CTNNA2: variants seen among roughly 807,000 people sequenced by gnomAD.
The protein encoded by CTNNA2 is catenin alpha 2, also known as catenin alpha-2.
In CTNNA2, 42 loss-of-function variants were observed where a neutral mutation model predicts 101.0. That is an observed-to-expected ratio of 0.42 (90% CI 0.32 to 0.54). The LOEUF (loss-of-function observed/expected upper bound fraction) is 0.54, where lower values mean the gene tolerates loss of function less well. Ranked by LOEUF, CTNNA2 falls within the 20% of genes least tolerant of loss-of-function variation. The pLI is 0.14. For synonymous variants in CTNNA2, 450 were observed against 456.4 expected, an observed-to-expected ratio of 0.99 and a Z score of 0.18; for missense variants, 871 against 1,223.1, an observed-to-expected ratio of 0.71 and a Z score of 4.29.
At chr2:80,604,339 CTG>C (rs1463783792) in intron 16 of CTNNA2, among the ~76,000 whole-genome samples, 160 bp downstream of exon 16, 1 of 151,970 alleles carries the variant, frequency 6.6e-6, no homozygotes, top group Non-Finnish European at 1.5e-5. Context: ...TCTCCTGACA[CTG>C]TGCTAGTGGC....
chr2:80,372,508 A>G (rs1402831448), intron 7 of CTNNA2, among the ~76,000 whole-genome samples: 1 of 151,738 alleles, frequency 6.6e-6, no homozygotes, highest in African/African-American at 2.4e-5. Flanking sequence ...TTTATCTCTC[A>G]CTCTTTGGCC....
At chr2:79,418,870 G>T (rs2104499895) in intron 4 of CTNNA2, among the ~76,000 whole-genome samples, 1 of 143,908 alleles carries the variant, frequency 6.9e-6, no homozygotes, top group Non-Finnish European at 1.5e-5. Context: ...ACATTGAACA[G>T]GTTATGTTGA....
chr2:79,214,587 T>C lies in CTNNA2; in HGVS notation c.-406+16511T>C, dbSNP rs140225061. Among the ~76,000 whole-genome samples, 918 of 152,034 alleles carry C rather than the reference T, an allele frequency of 6.0e-3. 6 individuals are homozygous for C. Among genetic ancestry groups the C allele is most frequent in the South Asian group, 0.011 (52 of 4,818 alleles). On this transcript the variant is annotated intron_variant, in intron 2 of 21. Transcript: ENST00000466387. ...TGGCATTGAGCGGGGTAAGGGTGAT[T>C]AGGTTTTAATGGGATGGTAATGGGC...
intron 7 of CTNNA2, among the ~76,000 whole-genome samples, chr2:80,322,626 G>A (rs1348927258): frequency 6.6e-6 from 1 of 151,746 alleles, no homozygotes; most frequent in African/African-American, 2.4e-5. Flanking sequence ...GCGCTGCCCC[G>A]GCCGCAGCCC....
intron 1 of CTNNA2, among the ~76,000 whole-genome samples, chr2:79,544,905 C>T (rs958627446): frequency 2.0e-5 from 3 of 152,136 alleles, no homozygotes; most frequent in Admixed American, 6.5e-5. Flanking sequence ...GGACATCTAA[C>T]TTGCAGAGAG....
intron 15 of CTNNA2, among the ~76,000 whole-genome samples, chr2:80,594,345 GCT>G (rs1162532024): frequency 4.0e-5 from 6 of 151,824 alleles, no homozygotes; most frequent in Non-Finnish European, 5.9e-5. Context: ...TTGTTTGTTT[GCT>G]TTTTTGTTGT....
At chr2:80,172,778 T>A (rs1705147112) in intron 7 of CTNNA2, among the ~76,000 whole-genome samples, 1 of 152,210 alleles carries the variant, frequency 6.6e-6, no homozygotes, top group African/African-American at 2.4e-5. Flanking sequence ...TTACGTCCCT[T>A]GGCTTATAGA....
chr2:79,756,826 C>A (rs1257406083), intron 3 of CTNNA2, among the ~76,000 whole-genome samples: 1 of 152,152 alleles, frequency 6.6e-6, no homozygotes, highest in East Asian at 1.9e-4. Flanking sequence ...GCAATGTTCA[C>A]CATCATTTGT....
chr2:80,603,890 A>T (rs1237855430), intron 15 of CTNNA2, 184 bp from the exon 16 acceptor site: 1 of 530,704 alleles, frequency 1.9e-6, no homozygotes. Flanking sequence ...AAATATGGGA[A>T]AATATTTCCA....
chr2:79,272,865 A>T (rs1675119808), intron 2 of CTNNA2, among the ~76,000 whole-genome samples: 1 of 152,084 alleles, frequency 6.6e-6, no homozygotes, highest in South Asian at 2.1e-4. Context: ...GTTTACACTC[A>T]TCCCTATTTC....
At position 80,302,629 on chromosome 2, in the gene CTNNA2, G is replaced by T; in HGVS notation, c.1057-90582G>T. 1 of 1,606,460 alleles carries T rather than the reference G, an allele frequency of 6.2e-7. No individual in the cohort carries two copies. Among genetic ancestry groups the T allele is most frequent in the Non-Finnish European group, 8.5e-7 (1 of 1,178,376 alleles). ...ATGTGCCGTCGTGCTGCCCCTCCCC[G>T]CCGTCCGCGAGCGTGGTGGCCGAGC... On this transcript the variant is annotated intron_variant, in intron 7 of 18. Transcript: ENST00000402739. This position sits in a 1 kb window ranked among gnomAD's most constrained non-coding sequence, Gnocchi z 6.4.
chr2:80,546,874 TAA>T (rs1427022817), intron 11 of CTNNA2, among the ~76,000 whole-genome samples: 1 of 152,182 alleles, frequency 6.6e-6, no homozygotes, highest in Non-Finnish European at 1.5e-5. Context: ...TGTGAGGTGT[TAA>T]AAGAGCCAGC....
chr2:79,774,430 ACACT>A (rs1199281380), intron 3 of CTNNA2, among the ~76,000 whole-genome samples: 1 of 152,174 alleles, frequency 6.6e-6, no homozygotes, highest in Non-Finnish European at 1.5e-5. Context: ...TTGGTTTAAG[ACACT>A]CACTTCTGGA....
intron 11 of CTNNA2, among the ~76,000 whole-genome samples, chr2:80,551,875 CT>C (rs2149648795): frequency 6.6e-6 from 1 of 152,300 alleles, no homozygotes; most frequent in African/African-American, 2.4e-5. Flanking sequence ...CCTCTCTTGA[CT>C]TGTGACATGT....
At chr2:80,400,993 C>A (rs1031155014) in intron 8 of CTNNA2, among the ~76,000 whole-genome samples, 4 of 152,138 alleles carry the variant, frequency 2.6e-5, no homozygotes, top group Non-Finnish European at 5.9e-5. Flanking sequence ...TTTTTGTTTT[C>A]TTCCAAGAAA....
intron 9 of CTNNA2, among the ~76,000 whole-genome samples, chr2:80,520,022 G>C (rs1159364546): frequency 6.6e-6 from 1 of 152,088 alleles, no homozygotes; most frequent in African/African-American, 2.4e-5. Flanking sequence ...CTGTTGCTTA[G>C]AAGCCTCTTT....
intron 7 of CTNNA2, among the ~76,000 whole-genome samples, chr2:80,181,370 T>C (rs1705767221): frequency 6.6e-6 from 1 of 152,092 alleles, no homozygotes; most frequent in African/African-American, 2.4e-5. Flanking sequence ...TTTCAGAATT[T>C]AGGAGTTCGG....
chr2:79,917,962 C>G, intron 7 of CTNNA2, among the ~76,000 whole-genome samples: 1 of 152,120 alleles, frequency 6.6e-6, no homozygotes, highest in Non-Finnish European at 1.5e-5. Flanking sequence ...AACATCCAGG[C>G]CCTGTGGGAA....
At chr2:79,555,428 T>C (rs1674381566) in intron 1 of CTNNA2, among the ~76,000 whole-genome samples, 1 of 152,158 alleles carries the variant, frequency 6.6e-6, no homozygotes, top group Non-Finnish European at 1.5e-5. Flanking sequence ...ATTCATGTTG[T>C]AAGTTTCAAT....
Sources: gnomAD v4.1 joint callset for allele counts (sites outside exome capture counted in the v4.1 genomes callset) on GRCh38, gnomAD v4.1.1 for gene constraint, Gnocchi (gnomAD v3.1) non-coding constraint, MANE v1.5 for transcripts, NCBI Gene and HGNC (gene_info 2026-07-23, HGNC 2026-07-21) for gene names.